TMEM45A: variants seen among roughly 807,000 people sequenced by gnomAD.
TMEM45A encodes the protein DNA polymerase-transactivated protein 4.
TMEM45A carries 25 observed loss-of-function variants against 32.0 expected under a neutral mutation model. The ratio of observed to expected loss-of-function variants is 0.78; its 90% CI spans 0.57 to 1.09. TMEM45A has a LOEUF of 1.09. Among genes scored for constraint, TMEM45A ranks in the 50% least tolerant of loss-of-function variants. The pLI is 0.00. For synonymous variants in TMEM45A, 122 were observed against 114.8 expected, an observed-to-expected ratio of 1.06 and a Z score of -0.40; for missense variants, 302 against 325.0, an observed-to-expected ratio of 0.93 and a Z score of 0.54.
intron 1 of TMEM45A, among the ~76,000 whole-genome samples, chr3:100,503,646 G>A (rs986724657): frequency 2.0e-5 from 3 of 152,230 alleles, no homozygotes; most frequent in African/African-American, 7.2e-5. Context: ...AGAAGTGAGT[G>A]ATTCTGTGAC....
At chr3:100,539,432 G>GATATGTATATGCATATGCATATGT (rs1553682654) in intron 1 of TMEM45A, among the ~76,000 whole-genome samples, 15 of 83,106 alleles carry the variant, frequency 1.8e-4, no homozygotes, top group African/African-American at 5.9e-4. Flanking sequence ...AACCCAATAG[G>GATATGTATATGCATATGCATATGT]ATATGTATAT....
intron 1 of TMEM45A, among the ~76,000 whole-genome samples, chr3:100,523,812 CCTCCTT>C (rs1414554235): frequency 1.4e-5 from 2 of 145,172 alleles, no homozygotes; most frequent in Admixed American, 6.9e-5. Context: ...TCCTCCTCCT[CCTCCTT>C]CTTCTTTTTC....
In TMEM45A at chr3:100,498,599, C is replaced by A. The variant is rs538115361; in HGVS notation, c.-4+5671C>A. ...TGTGTGTGTGTTTGTGTGTGTGTCCCCTGTTGGTTTTGTTTCTCTGGAGAA... is the reference window on the plus strand; with the variant it reads ...TGTGTGTGTGTTTGTGTGTGTGTCCACTGTTGGTTTTGTTTCTCTGGAGAA... On this transcript the variant is annotated intron_variant, in intron 1 of 5. Coordinates refer to ENST00000323523, the MANE Select transcript of TMEM45A (RefSeq NM_018004.3). 2.6e-4 allele frequency among the ~76,000 whole-genome samples: 40 copies of A among 152,046 alleles called. No individual in the cohort carries two copies. In the South Asian group the frequency reaches 7.9e-3, roughly 30 times the overall value.
chr3:100,539,755 C>G (rs561996921), intron 1 of TMEM45A, among the ~76,000 whole-genome samples: 1 of 152,186 alleles, frequency 6.6e-6, no homozygotes, highest in East Asian at 1.9e-4. Flanking sequence ...TGATGCCCAC[C>G]CAGGCAATCT....
chr3:100,507,554 A>G (rs974527728), intron 1 of TMEM45A, among the ~76,000 whole-genome samples: 1 of 152,156 alleles, frequency 6.6e-6, no homozygotes, highest in Non-Finnish European at 1.5e-5. Context: ...TTTTTCACCT[A>G]GAAAGGTTTT....
At chr3:100,520,386 A>T (rs890381290) in intron 1 of TMEM45A, among the ~76,000 whole-genome samples, 1 of 152,156 alleles carries the variant, frequency 6.6e-6, no homozygotes, top group Admixed American at 6.5e-5. Context: ...TCCATGAAAA[A>T]AATAATTGTT....
intron 4 of TMEM45A, among the ~76,000 whole-genome samples, chr3:100,561,795 T>C (rs1706337018): frequency 1.3e-5 from 2 of 152,192 alleles, no homozygotes; most frequent in African/African-American, 4.8e-5. Context: ...GCTTCTTGTT[T>C]TTTAGGACAG....
chr3:100,501,235 A>G (rs1320656474), intron 1 of TMEM45A, among the ~76,000 whole-genome samples: 1 of 152,230 alleles, frequency 6.6e-6, no homozygotes, highest in Non-Finnish European at 1.5e-5. Context: ...TGAGAATTCT[A>G]CAGACTAGTC....
intron 5 of TMEM45A, chr3:100,574,372 C>T (rs997257766): frequency 1.3e-5 from 2 of 152,188 alleles, no homozygotes; most frequent in Non-Finnish European, 2.9e-5. Flanking sequence ...CTATAAACAC[C>T]TGTATGCAAA....
intron 1 of TMEM45A, among the ~76,000 whole-genome samples, chr3:100,544,589 A>T (rs933531967): frequency 6.6e-6 from 1 of 152,138 alleles, no homozygotes; most frequent in African/African-American, 2.4e-5. Flanking sequence ...CTATATTAGA[A>T]TTTCATATAA....
At chr3:100,576,881 A>AT in intron 5 of TMEM45A, 44 bp from the exon 6 acceptor site, 1 of 1,477,044 alleles carries the variant, frequency 6.8e-7, no homozygotes, top group Non-Finnish European at 9.4e-7. Context: ...CTGGGTTTCT[A>AT]TTTTAAAAAC....
chr3:100,542,611 T>C (rs987902957), intron 1 of TMEM45A, among the ~76,000 whole-genome samples: 2 of 152,092 alleles, frequency 1.3e-5, no homozygotes, highest in South Asian at 2.1e-4. Context: ...CACAGCACCA[T>C]TCACAATAGC....
intron 1 of TMEM45A, among the ~76,000 whole-genome samples, chr3:100,493,357 T>C (rs1040040295): frequency 1.3e-5 from 2 of 152,108 alleles, no homozygotes; most frequent in African/African-American, 4.8e-5. Context: ...TTTTCAGAAT[T>C]AACACGTTTG....
At chr3:100,505,532 C>A (rs1708066743) in intron 1 of TMEM45A, among the ~76,000 whole-genome samples, 1 of 152,160 alleles carries the variant, frequency 6.6e-6, no homozygotes, top group African/African-American at 2.4e-5. Context: ...GCGTCTTTGC[C>A]AAGCATCCCA....
chr3:100,567,456 T>A (rs1247468339), intron 4 of TMEM45A, among the ~76,000 whole-genome samples: 1 of 150,386 alleles, frequency 6.6e-6, no homozygotes, highest in African/African-American at 2.4e-5. Flanking sequence ...TAAGGTTGTT[T>A]TGGTTATTCT....
chr3:100,536,970 G>A (rs945449497), intron 1 of TMEM45A, among the ~76,000 whole-genome samples: 7 of 152,202 alleles, frequency 4.6e-5, no homozygotes, highest in African/African-American at 9.7e-5. Flanking sequence ...CGCCCAGGCC[G>A]GAGTGCAATG....
chr3:100,538,922 A>T (rs139283933), intron 1 of TMEM45A, among the ~76,000 whole-genome samples: 12 of 152,230 alleles, frequency 7.9e-5, no homozygotes, highest in African/African-American at 2.9e-4. Flanking sequence ...TATGAGGAAA[A>T]CCATAAACCT....
intron 1 of TMEM45A, among the ~76,000 whole-genome samples, chr3:100,537,289 G>C (rs910747648): frequency 6.6e-6 from 1 of 152,084 alleles, no homozygotes; most frequent in Admixed American, 6.5e-5. Context: ...GGGGAAAGAC[G>C]TCTTCTAGTG....
chr3:100,542,697 T>C (rs1041420310), intron 1 of TMEM45A, among the ~76,000 whole-genome samples: 1 of 152,222 alleles, frequency 6.6e-6, no homozygotes, highest in Admixed American at 6.5e-5. Flanking sequence ...TGGAATACTA[T>C]GCAACCATAA....
Sources: allele counts gnomAD v4.1 joint callset (sites outside exome capture counted in the v4.1 genomes callset), GRCh38; gene constraint gnomAD v4.1.1; transcripts MANE v1.5; gene names NCBI Gene and HGNC (gene_info 2026-07-23, HGNC 2026-07-21).